LRRC69: variants seen among roughly 807,000 people sequenced by gnomAD.
LRRC69 encodes leucine-rich repeat-containing protein 69.
LRRC69 carries 42 observed loss-of-function variants against 37.8 expected under a neutral mutation model. That is an observed-to-expected ratio of 1.11 (90% CI 0.87 to 1.44). LRRC69 has a LOEUF of 1.44. Ranked by LOEUF, LRRC69 falls within the 40% of genes most tolerant of loss-of-function variation. The pLI is 0.00. For synonymous variants in LRRC69, 141 were observed against 143.1 expected (o/e 0.99, Z 0.11); for missense variants, 357 against 401.9 (o/e 0.89, Z 0.96).
chr8:91,140,089 C>T (rs1586240942), intron 5 of LRRC69, among the ~76,000 whole-genome samples: 2 of 63,462 alleles, frequency 3.2e-5, no homozygotes, highest in Admixed American at 1.5e-4. Flanking sequence ...GAAACTCCGT[C>T]TCAAAAAAAA....
At chr8:91,163,428 G>A (rs1808979282) in intron 5 of LRRC69, among the ~76,000 whole-genome samples, 1 of 151,354 alleles carries the variant, frequency 6.6e-6, no homozygotes, top group East Asian at 2.0e-4. Flanking sequence ...ATGAATGAAT[G>A]ACTGAATAGC....
chr8:91,141,597 G>A (rs1445317569), intron 5 of LRRC69, among the ~76,000 whole-genome samples: 1 of 152,042 alleles, frequency 6.6e-6, no homozygotes, highest in African/African-American at 2.4e-5. Flanking sequence ...CTTCTAATCT[G>A]GGGAAGTAAA....
intron 5 of LRRC69, among the ~76,000 whole-genome samples, chr8:91,152,129 CT>C (rs1808750662): frequency 6.6e-6 from 1 of 151,350 alleles, no homozygotes; most frequent in African/African-American, 2.4e-5. Flanking sequence ...TGTGCATACA[CT>C]CTTTAATTAG....
At chr8:91,215,690 A>G (rs10104677) in intron 7 of LRRC69, among the ~76,000 whole-genome samples, 5,007 of 152,236 alleles carry the variant, frequency 0.033, 255 homozygotes, top group African/African-American at 0.11. Flanking sequence ...TTTCCTATTC[A>G]CTGACCTTGG....
intron 6 of LRRC69, among the ~76,000 whole-genome samples, chr8:91,192,091 C>G (rs966384443): frequency 6.8e-6 from 1 of 147,554 alleles, no homozygotes; most frequent in East Asian, 2.0e-4. Flanking sequence ...TGAGAATATG[C>G]GGTGTTTGGT....
At chr8:91,209,840 T>C (rs1563627314) in intron 7 of LRRC69, among the ~76,000 whole-genome samples, 2 of 152,204 alleles carry the variant, frequency 1.3e-5, no homozygotes, top group African/African-American at 4.8e-5. Context: ...TTTAAACAAC[T>C]AGAAGATGGG....
chr8:91,203,632 C>G (rs1809747684), intron 7 of LRRC69, among the ~76,000 whole-genome samples: 1 of 151,748 alleles, frequency 6.6e-6, no homozygotes, highest in African/African-American at 2.4e-5. Flanking sequence ...CTCCTGATCT[C>G]AGGTGATCTG....
intron 1 of LRRC69, among the ~76,000 whole-genome samples, chr8:91,113,244 A>ACCTGAATAG (rs1813439786): frequency 6.6e-6 from 1 of 152,046 alleles, no homozygotes. Context: ...CTACAAAGCA[A>ACCTGAATAG]CCTGAATAGC....
intron 5 of LRRC69, among the ~76,000 whole-genome samples, chr8:91,164,540 C>A (rs962597078): frequency 3.3e-5 from 5 of 151,614 alleles, no homozygotes; most frequent in Non-Finnish European, 7.4e-5. Flanking sequence ...GTCACAGATG[C>A]TTTCTGGAAA....
intron 1 of LRRC69, among the ~76,000 whole-genome samples, chr8:91,104,784 C>T (rs1442834781): frequency 6.6e-6 from 1 of 152,022 alleles, no homozygotes; most frequent in Admixed American, 6.6e-5. Context: ...GAGAAATCAT[C>T]CTAGTCTGGG....
intron 5 of LRRC69, among the ~76,000 whole-genome samples, chr8:91,139,731 C>T (rs1234748774): frequency 6.6e-6 from 1 of 151,782 alleles, no homozygotes; most frequent in Non-Finnish European, 1.5e-5. Flanking sequence ...ATTTTTTTCA[C>T]ACGATACTAT....
chr8:91,141,803 G>A (rs1321612981), intron 5 of LRRC69, among the ~76,000 whole-genome samples: 1 of 152,014 alleles, frequency 6.6e-6, no homozygotes, highest in Non-Finnish European at 1.5e-5. Context: ...AGTCAGCTAG[G>A]TGGTAATTTC....
chr8:91,133,232 C>A (rs902928398), exon 4 of LRRC69: 15 of 1,530,506 alleles, frequency 9.8e-6, no homozygotes, highest in Non-Finnish European at 1.3e-5. Flanking sequence ...ATATGCATAC[C>A]TGAAGAGATT....
At chr8:91,139,006 G>T (rs1808476824) in intron 5 of LRRC69, 1 of 150,510 alleles carries the variant, frequency 6.6e-6, no homozygotes, top group East Asian at 1.9e-4. Flanking sequence ...GCAGTAAGCT[G>T]AGATCATACT....
chr8:91,209,268 AAC>A (rs143175876), intron 7 of LRRC69, among the ~76,000 whole-genome samples: 4,636 of 152,098 alleles, frequency 0.03, 191 homozygotes, highest in East Asian at 0.21. Flanking sequence ...CTCTACTAAA[AAC>A]ACAAAAAAAT....
At chr8:91,149,542 G>A (rs1808690067) in intron 5 of LRRC69, among the ~76,000 whole-genome samples, 1 of 151,798 alleles carries the variant, frequency 6.6e-6, no homozygotes, top group South Asian at 2.1e-4. Flanking sequence ...TTGTTCTTTT[G>A]GTTTTGGATC....
chr8:91,218,350 G>T (rs1563631457), intron 7 of LRRC69, among the ~76,000 whole-genome samples: 1 of 128,832 alleles, frequency 7.8e-6, no homozygotes, highest in African/African-American at 3.3e-5. Flanking sequence ...TGCTTATTTT[G>T]TACAAATTAT....
intron 1 of LRRC69, among the ~76,000 whole-genome samples, chr8:91,114,666 G>A (rs1175447394): frequency 6.6e-6 from 1 of 151,922 alleles, no homozygotes; most frequent in Non-Finnish European, 1.5e-5. Flanking sequence ...GTATTGCATA[G>A]GTTTTTAGCC....
chr8:91,194,447 G>A (rs1809558157), intron 6 of LRRC69, among the ~76,000 whole-genome samples: 1 of 151,932 alleles, frequency 6.6e-6, no homozygotes, highest in Non-Finnish European at 1.5e-5. Context: ...TGTACCTCTG[G>A]TAGAATTCGG....
Sources: gnomAD v4.1 joint callset for allele counts (sites outside exome capture counted in the v4.1 genomes callset) on GRCh38, gnomAD v4.1.1 for gene constraint, MANE v1.5 for transcripts, NCBI Gene and HGNC (gene_info 2026-07-23, HGNC 2026-07-21) for gene names.